LRMDA: variants seen among roughly 807,000 people sequenced by gnomAD.
LRMDA encodes leucine rich melanocyte differentiation associated.
In LRMDA, 18 loss-of-function variants were observed where a neutral mutation model predicts 29.8. The ratio of observed to expected loss-of-function variants is 0.60; its 90% CI spans 0.42 to 0.90. LRMDA has a LOEUF of 0.90. Ranked by LOEUF, LRMDA falls within the 40% of genes least tolerant of loss-of-function variation. The probability of loss-of-function intolerance (pLI) is 0.00; values close to 1 mark genes in which losing one functional copy is unlikely to be tolerated. For synonymous variants in LRMDA, 125 were observed against 109.4 expected, an observed-to-expected ratio of 1.14 and a Z score of -0.89; for missense variants, 273 against 273.9, an observed-to-expected ratio of 1.00 and a Z score of 0.02.
At chr10:75,738,762 G>A (rs141237710) in intron 2 of LRMDA, among the ~76,000 whole-genome samples, 231 of 152,270 alleles carry the variant, frequency 1.5e-3, no homozygotes, top group African/African-American at 5.3e-3. Context: ...CACTGTGGGA[G>A]CATTTTTGTC....
rs182246316 is a variant in LRMDA, at chr10:75,846,112, T to C, written c.132-189896T>C. On this transcript the variant is annotated intron_variant, in intron 2 of 6. Transcript: ENST00000611255. ...ATGAAAATGCTAGGTACCTCCTAAA[T>C]AAGAAGTAATGCATTTACTTCTTGC... 5.9e-5 allele frequency among the ~76,000 whole-genome samples: 9 copies of C among 152,130 alleles called. No homozygotes were observed. The East Asian group carries it at 1.7e-3, about 29-fold the overall frequency.
At chr10:76,425,550 AAAGCTATAACTTACTAAT>A (rs1842115180) in intron 6 of LRMDA, among the ~76,000 whole-genome samples, 2 of 151,670 alleles carry the variant, frequency 1.3e-5, no homozygotes, top group Non-Finnish European at 1.5e-5. Context: ...TTGGCATGCA[AAAGCTATAACTTACTAAT>A]AATAATTATT....
At chr10:75,679,132 C>A (rs1204457212) in intron 2 of LRMDA, among the ~76,000 whole-genome samples, 1 of 152,136 alleles carries the variant, frequency 6.6e-6, no homozygotes, top group Non-Finnish European at 1.5e-5. Flanking sequence ...CATTTGAAAC[C>A]TGTTTATTAT....
chr10:76,503,473 T>TTG (rs1313361623), intron 6 of LRMDA, among the ~76,000 whole-genome samples: 1 of 13,548 alleles, frequency 7.4e-5, no homozygotes, highest in Admixed American at 6.2e-4. Flanking sequence ...TGATTGGTAG[T>TTG]TTTTTTTTTT....
intron 2 of LRMDA, among the ~76,000 whole-genome samples, chr10:75,955,437 C>T (rs1322842590): frequency 6.6e-6 from 1 of 152,170 alleles, no homozygotes; most frequent in African/African-American, 2.4e-5. Context: ...GGCATTGAGA[C>T]CATGAGTGGT....
intron 2 of LRMDA, among the ~76,000 whole-genome samples, chr10:75,516,514 G>A (rs951373715): frequency 1.3e-5 from 2 of 152,162 alleles, no homozygotes; most frequent in African/African-American, 4.8e-5. Flanking sequence ...TTTGAGAAGT[G>A]TCTGTTCATA....
At chr10:76,351,181 A>C (rs1841172085) in intron 6 of LRMDA, among the ~76,000 whole-genome samples, 1 of 152,154 alleles carries the variant, frequency 6.6e-6, no homozygotes, top group African/African-American at 2.4e-5. Context: ...CATGTAGGAA[A>C]TGCAGAATGA....
chr10:76,364,990 G>A (rs1841371129), intron 6 of LRMDA, among the ~76,000 whole-genome samples: 1 of 150,304 alleles, frequency 6.7e-6, no homozygotes, highest in African/African-American at 2.4e-5. Context: ...TAGAATAATA[G>A]TCTCCAATCT....
intron 2 of LRMDA, among the ~76,000 whole-genome samples, chr10:75,930,679 C>T (rs1846192103): frequency 6.6e-6 from 1 of 152,152 alleles, no homozygotes; most frequent in Non-Finnish European, 1.5e-5. Context: ...AGAGAGCCTT[C>T]ATCTATCTCC....
At chr10:76,534,601 T>G (rs57544615) in intron 6 of LRMDA, among the ~76,000 whole-genome samples, 5,092 of 152,318 alleles carry the variant, frequency 0.033, 113 homozygotes, top group Non-Finnish European at 0.043. Context: ...TTACAGCAGC[T>G]TGTATAATCC....
chr10:75,565,103 A>G (rs1840353148), intron 2 of LRMDA, among the ~76,000 whole-genome samples: 1 of 152,138 alleles, frequency 6.6e-6, no homozygotes, highest in Admixed American at 6.5e-5. Context: ...AAGATTTTCT[A>G]CTCAACTCTA....
At chr10:76,271,513 T>A (rs1169119429) in intron 5 of LRMDA, among the ~76,000 whole-genome samples, 3 of 152,224 alleles carry the variant, frequency 2.0e-5, no homozygotes, top group Non-Finnish European at 4.4e-5. Context: ...CTTTGATTGG[T>A]AACAAAGGAA....
In LRMDA at chr10:76,040,553, C is replaced by T. The variant is rs527266781; in HGVS notation, c.258+4419C>T. 3.3e-5 allele frequency among the ~76,000 whole-genome samples: 5 copies of T among 151,906 alleles called. No homozygotes were observed. In the South Asian group the frequency reaches 1.0e-3, roughly 32 times the overall value. ...ACTGGCTATGGACTTGAACCCCTTCCCCACTGCTCACACTCTTTCTCTCTC... is the reference window on the plus strand; with the variant it reads ...ACTGGCTATGGACTTGAACCCCTTCTCCACTGCTCACACTCTTTCTCTCTC... On this transcript the variant is annotated intron_variant, in intron 3 of 6. Transcript: ENST00000611255.
intron 5 of LRMDA, among the ~76,000 whole-genome samples, chr10:76,119,592 G>C (rs1262653765): frequency 2.6e-5 from 4 of 152,116 alleles, no homozygotes; most frequent in African/African-American, 9.7e-5. Flanking sequence ...GGGAGCTATT[G>C]TTCTCACTTT....
At chr10:75,445,822 A>G (rs1450756268) in intron 2 of LRMDA, among the ~76,000 whole-genome samples, 1 of 152,226 alleles carries the variant, frequency 6.6e-6, no homozygotes, top group Non-Finnish European at 1.5e-5. Context: ...GGTTTAATTG[A>G]TCTATGGCAA....
intron 6 of LRMDA, among the ~76,000 whole-genome samples, chr10:76,395,589 A>G (rs1456944438): frequency 6.6e-6 from 1 of 152,228 alleles, no homozygotes; most frequent in African/African-American, 2.4e-5. Context: ...CACATGAATT[A>G]GAGCCATTTG....
intron 5 of LRMDA, among the ~76,000 whole-genome samples, chr10:76,081,889 A>T (rs919472366): frequency 1.3e-5 from 2 of 152,182 alleles, no homozygotes; most frequent in Non-Finnish European, 2.9e-5. Flanking sequence ...ACTTTGTTGT[A>T]TAGATTTCTG....
intron 2 of LRMDA, among the ~76,000 whole-genome samples, chr10:75,865,017 T>G (rs897420494): frequency 1.3e-5 from 2 of 151,526 alleles, no homozygotes; most frequent in African/African-American, 2.4e-5. Context: ...GAAAAATCTG[T>G]TTTTTTTCTG....
At position 75,722,845 on chromosome 10, in the gene LRMDA, T is replaced by C. The variant is rs530833145; in HGVS notation, c.131+284351T>C. ...AAATCACTTTAAAACAGGAGCCAAG[T>C]TGGTTTGAGTTGCCTAGGAGTTTCT... On this transcript the variant is annotated intron_variant, in intron 2 of 6. Coordinates refer to ENST00000611255, the MANE Select transcript of LRMDA (RefSeq NM_001305581.2). Among the ~76,000 whole-genome samples, 3 of 152,302 alleles carry C rather than the reference T, an allele frequency of 2.0e-5. No homozygotes were observed. The South Asian group carries it at 6.2e-4, about 32-fold the overall frequency.
Sources: allele counts gnomAD v4.1 joint callset (sites outside exome capture counted in the v4.1 genomes callset), GRCh38; gene constraint gnomAD v4.1.1; transcripts MANE v1.5; gene names NCBI Gene and HGNC (gene_info 2026-07-23, HGNC 2026-07-21).